The following PLCB1 variants were observed in gnomAD, a reference collection of about 807,000 sequenced individuals.
PLCB1 encodes the protein phospholipase C beta 1, also known as 1-phosphatidylinositol 4,5-bisphosphate phosphodiesterase beta-1.
PLCB1 carries 46 observed loss-of-function variants against 161.8 expected under a neutral mutation model. That is an observed-to-expected ratio of 0.28 (90% CI 0.22 to 0.36). The LOEUF is 0.36. Among genes scored for constraint, PLCB1 ranks in the 10% least tolerant of loss-of-function variants. PLCB1 has a pLI of 1.00. For missense variants in PLCB1, 1,016 were observed against 1,472.5 expected, an observed-to-expected ratio of 0.69 and a Z score of 5.07; for synonymous variants, 517 against 503.7, an observed-to-expected ratio of 1.03 and a Z score of -0.35.
At chr20:8,625,904 A>G (rs1988326819) in intron 3 of PLCB1, among the ~76,000 whole-genome samples, 1 of 152,150 alleles carries the variant, frequency 6.6e-6, no homozygotes, top group Non-Finnish European at 1.5e-5. Context: ...AGTCTTTTAA[A>G]AAATATAAAA....
chr20:8,407,566 C>G (rs1223557938), intron 3 of PLCB1, among the ~76,000 whole-genome samples: 1 of 152,166 alleles, frequency 6.6e-6, no homozygotes, highest in Non-Finnish European at 1.5e-5. Context: ...CGTCAGATCT[C>G]TTAAGACTTA....
intron 31 of PLCB1, among the ~76,000 whole-genome samples, chr20:8,823,625 G>A (rs116375128): frequency 0.011 from 1,637 of 152,270 alleles, 13 homozygotes; most frequent in Middle Eastern, 0.037. Flanking sequence ...CATACCTGTG[G>A]CCATTTTTGA....
chr20:8,163,051 TTGAG>T (rs1223012173), intron 2 of PLCB1, among the ~76,000 whole-genome samples: 8 of 152,164 alleles, frequency 5.3e-5, no homozygotes, highest in African/African-American at 1.9e-4. Flanking sequence ...TGTTTGTAGG[TTGAG>T]TTTTTCCAAC....
intron 22 of PLCB1, 25 bp from the exon 23 acceptor site, chr20:8,741,439 T>A: frequency 6.7e-7 from 1 of 1,494,584 alleles, no homozygotes; most frequent in Non-Finnish European, 9.3e-7. Context: ...GGACCTTTGA[T>A]CTAAAATATC....
chr20:8,405,137 G>A (rs1243653691), intron 3 of PLCB1, among the ~76,000 whole-genome samples: 1 of 152,156 alleles, frequency 6.6e-6, no homozygotes. Flanking sequence ...TAATGAGTTT[G>A]CAGGTCAGCT....
intron 3 of PLCB1, among the ~76,000 whole-genome samples, chr20:8,542,184 G>T (rs1363894971): frequency 6.6e-6 from 1 of 152,120 alleles, no homozygotes; most frequent in Non-Finnish European, 1.5e-5. Flanking sequence ...TCCGTGAACC[G>T]ATTTCCACGA....
At chr20:8,649,329 C>A (rs750055005) in intron 6 of PLCB1, 45 bp from the exon 7 acceptor site, 1 of 1,234,222 alleles carries the variant, frequency 8.1e-7, no homozygotes, top group Admixed American at 1.7e-5. Flanking sequence ...TGCTGTGATC[C>A]ATGTGCCATT....
rs1054456830 is a variant in PLCB1 at position 8,801,909 on chromosome 20, G to A, written c.3423+11648G>A. 7.6e-6 allele frequency: 5 copies of A among 656,000 alleles called. No homozygotes were observed. The African/African-American group carries it at 9.2e-5, about 12-fold the overall frequency. The allele number at this position is 656,000 out of a possible 1,614,324, so 40.6% of individuals were successfully genotyped here. ...GTGCCTTGTCACACTGGGGGTGTTG[G>A]AGCAGATAAAGGCAAACAGAGGAGT... On this transcript the variant is annotated intron_variant, in intron 31 of 31. Transcript: ENST00000338037.
At chr20:8,367,919 T>G (rs708932) in intron 2 of PLCB1, among the ~76,000 whole-genome samples, 29,147 of 152,088 alleles carry the variant, frequency 0.19, 3,124 homozygotes, top group South Asian at 0.36. Context: ...AGACACTATT[T>G]GAATCATCGC....
At chr20:8,301,063 G>A (rs897729727) in intron 2 of PLCB1, among the ~76,000 whole-genome samples, 1 of 152,130 alleles carries the variant, frequency 6.6e-6, no homozygotes, top group Non-Finnish European at 1.5e-5. Flanking sequence ...GCTGCATTAC[G>A]GAGAGCCTTG....
chr20:8,488,179 A>C (rs1982808700), intron 3 of PLCB1, among the ~76,000 whole-genome samples: 2 of 152,236 alleles, frequency 1.3e-5, no homozygotes, highest in Non-Finnish European at 2.9e-5. Flanking sequence ...TTACAGAGCA[A>C]TTAAGTTTTA....
intron 3 of PLCB1, among the ~76,000 whole-genome samples, chr20:8,556,656 G>GGGGT (rs1225219910): frequency 2.1e-5 from 3 of 141,780 alleles, no homozygotes; most frequent in African/African-American, 7.8e-5. Flanking sequence ...GAGAGGGTTG[G>GGGGT]GTGTGTGTGT....
At chr20:8,199,504 G>A (rs892828763) in intron 2 of PLCB1, among the ~76,000 whole-genome samples, 1 of 152,058 alleles carries the variant, frequency 6.6e-6, no homozygotes, top group South Asian at 2.1e-4. Flanking sequence ...ATATATCCAT[G>A]TAGCCTCTAT....
chr20:8,187,157 C>T (rs1180530692), intron 2 of PLCB1, among the ~76,000 whole-genome samples: 1 of 152,102 alleles, frequency 6.6e-6, no homozygotes, highest in African/African-American at 2.4e-5. Context: ...AGTCTGTAGT[C>T]CTGATCACTA....
intron 2 of PLCB1, among the ~76,000 whole-genome samples, chr20:8,268,344 A>G (rs1448681147): frequency 1.3e-5 from 2 of 151,968 alleles, no homozygotes; most frequent in Non-Finnish European, 2.9e-5. Context: ...TATGTGCCAC[A>G]TTTTCTTAAT....
intron 4 of PLCB1, 131 bp downstream of exon 4, chr20:8,628,562 G>A: frequency 1.2e-6 from 1 of 858,562 alleles, no homozygotes; most frequent in Non-Finnish European, 1.8e-6. Flanking sequence ...AAATAATTCA[G>A]CTGCCAAGTA....
intron 2 of PLCB1, among the ~76,000 whole-genome samples, chr20:8,309,164 T>C (rs977199195): frequency 2.0e-5 from 3 of 152,208 alleles, no homozygotes; most frequent in African/African-American, 7.2e-5. Context: ...AACAGTAGGT[T>C]GCCCATGGCT....
intron 3 of PLCB1, among the ~76,000 whole-genome samples, chr20:8,427,749 AATT>A (rs1265419398): frequency 1.3e-5 from 2 of 152,138 alleles, no homozygotes; most frequent in Non-Finnish European, 2.9e-5. Flanking sequence ...TTGGAAAATG[AATT>A]ATTTGGTAAG....
chr20:8,824,087 T>C (rs116693505), intron 31 of PLCB1, among the ~76,000 whole-genome samples: 2 of 152,078 alleles, frequency 1.3e-5, no homozygotes, highest in East Asian at 1.9e-4. Context: ...AGACTGTCCA[T>C]GCTACATGTA....
Sources: gnomAD v4.1 joint callset for allele counts (sites outside exome capture counted in the v4.1 genomes callset) on GRCh38, gnomAD v4.1.1 for gene constraint, MANE v1.5 for transcripts, NCBI Gene and HGNC (gene_info 2026-07-23, HGNC 2026-07-21) for gene names.